SH3KBP1: variants seen among roughly 807,000 people sequenced by gnomAD.
SH3KBP1 encodes the protein SH3 domain containing kinase binding protein 1.
In SH3KBP1, 8 loss-of-function variants were observed where a neutral mutation model predicts 50.1. That is an observed-to-expected ratio of 0.16 (90% CI 0.09 to 0.29). SH3KBP1 has a LOEUF of 0.29. Among genes scored for constraint, SH3KBP1 ranks in the 10% least tolerant of loss-of-function variants. The pLI is 1.00. For missense variants in SH3KBP1, 377 were observed against 535.2 expected (o/e 0.70, Z 2.92); for synonymous variants, 227 against 218.6 (o/e 1.04, Z -0.34).
In SH3KBP1 at chrX:19,727,025, T is replaced by C. The variant is rs1164956730; in HGVS notation, c.286+19293A>G. Among the ~76,000 whole-genome samples, 5 of 112,435 alleles carry C rather than the reference T, an allele frequency of 4.4e-5. No homozygotes were observed. The Admixed American group carries it at 4.7e-4, about 11-fold the overall frequency. ...CACGCTTCTCAAGAAACACACACAA[T>C]GCAACTGAGACAAGGTAACATACAT... On this transcript the variant is annotated intron_variant, in intron 3 of 17. Transcript: ENST00000397821.
intron 11 of SH3KBP1, among the ~76,000 whole-genome samples, chrX:19,589,234 C>T (rs759203878): frequency 9.4e-4 from 106 of 112,448 alleles, no homozygotes; most frequent in Non-Finnish European, 3.6e-4. Context: ...GCCTGTAGGC[C>T]GACAGCCCCT....
intron 1 of SH3KBP1, among the ~76,000 whole-genome samples, chrX:19,854,807 C>T (rs185712345): frequency 1.8e-4 from 20 of 111,011 alleles, no homozygotes; most frequent in Non-Finnish European, 3.6e-4. Context: ...CACAAAGTGC[C>T]CTCCAATCTC....
At chrX:19,846,775 T>G (rs1157181360) in intron 1 of SH3KBP1, among the ~76,000 whole-genome samples, 2 of 111,805 alleles carry the variant, frequency 1.8e-5, no homozygotes, top group African/African-American at 3.2e-5. Flanking sequence ...ACAATTTTAT[T>G]ATGGATAAGG....
intron 6 of SH3KBP1, among the ~76,000 whole-genome samples, chrX:19,657,477 C>A (rs2062314594): frequency 9.1e-6 from 1 of 110,170 alleles, no homozygotes; most frequent in African/African-American, 3.3e-5. Context: ...CGCCTGTAAT[C>A]CCAGCACTTT....
At chrX:19,635,737 G>C (rs2061688103) in intron 7 of SH3KBP1, among the ~76,000 whole-genome samples, 1 of 110,687 alleles carries the variant, frequency 9.0e-6, no homozygotes. Flanking sequence ...TTGCCAATTT[G>C]GGGGACTGTA....
In SH3KBP1 at chrX:19,592,057, G is replaced by A; in HGVS notation, c.1138+10C>T. 1 of 1,183,467 alleles carries A rather than the reference G, an allele frequency of 8.4e-7. No individual in the cohort carries two copies. The highest frequency in any genetic ancestry group is 1.1e-6 in the Non-Finnish European group (1 of 870,333). On this transcript the variant is annotated intron_variant, in intron 11 of 17. Coordinates refer to ENST00000397821, the MANE Select transcript of SH3KBP1 (RefSeq NM_031892.3). The stretch of plus-strand genomic sequence containing the variant: ...GTTCTGGAAGTGCCAATGAAGAATT[G>A]ATTTCATACCTTTTTCTTCTGTTCT...
intron 12 of SH3KBP1, among the ~76,000 whole-genome samples, chrX:19,572,490 TTA>T (rs201036246): frequency 0.023 from 2,443 of 106,770 alleles, 84 homozygotes; most frequent in African/African-American, 0.078. Flanking sequence ...TACATATATG[TTA>T]TATATAGTAC....
chrX:19,684,133 C>A, intron 5 of SH3KBP1, 105 bp from the exon 6 acceptor site: 1 of 604,862 alleles, frequency 1.7e-6, no homozygotes. Context: ...TGTGACTGGG[C>A]ACAGGATAAC....
At chrX:19,826,026 T>C (rs1429706373) in intron 2 of SH3KBP1, among the ~76,000 whole-genome samples, 1 of 112,166 alleles carries the variant, frequency 8.9e-6, no homozygotes, top group Admixed American at 9.5e-5. Context: ...TTGAATAGAA[T>C]GCAGCCATTA....
chrX:19,789,631 T>C lies in SH3KBP1; in HGVS notation c.163-43190A>G, dbSNP rs1424583465. The stretch of plus-strand genomic sequence containing the variant: ...TCTTCTTATGAGGACACCAGTCAGA[T>C]TGGATTAAGGCCTACCCTAATGGCC... On this transcript the variant is annotated intron_variant, in intron 2 of 17. Coordinates refer to ENST00000397821, the MANE Select transcript of SH3KBP1 (RefSeq NM_031892.3). Among the ~76,000 whole-genome samples, 4 of 108,727 alleles carry C rather than the reference T, an allele frequency of 3.7e-5. No homozygotes were observed. In the East Asian group the frequency reaches 1.2e-3, roughly 32 times the overall value. The allele number at this position is 108,727 out of a possible 115,157, so 94.4% of individuals were successfully genotyped here. A position where few individuals can be genotyped will look rare whatever the true frequency, so the allele number is the denominator to read the frequency against.
intron 3 of SH3KBP1, among the ~76,000 whole-genome samples, chrX:19,726,953 G>A (rs1221693893): frequency 1.8e-5 from 2 of 112,059 alleles, no homozygotes; most frequent in Non-Finnish European, 1.9e-5. Context: ...GAAAACAGGA[G>A]AAGGAATGCT....
At chrX:19,850,218 T>G (rs2068468747) in intron 1 of SH3KBP1, among the ~76,000 whole-genome samples, 1 of 111,520 alleles carries the variant, frequency 9.0e-6, no homozygotes, top group Non-Finnish European at 1.9e-5. Flanking sequence ...AGAGTCTTGC[T>G]CTGTCTCCCA....
intron 3 of SH3KBP1, among the ~76,000 whole-genome samples, chrX:19,715,537 A>T (rs1331041085): frequency 9.0e-6 from 1 of 111,598 alleles, no homozygotes; most frequent in African/African-American, 3.3e-5. Flanking sequence ...TCTGAGGTGC[A>T]GCCTGGGCAT....
At chrX:19,872,762 C>T (rs1416465326) in intron 1 of SH3KBP1, among the ~76,000 whole-genome samples, 1 of 106,933 alleles carries the variant, frequency 9.4e-6, no homozygotes, top group East Asian at 3.0e-4. Context: ...GGCGACAGAG[C>T]AAGACTGTCT....
intron 5 of SH3KBP1, among the ~76,000 whole-genome samples, chrX:19,685,322 C>A (rs750322020): frequency 3.7e-4 from 42 of 112,460 alleles, no homozygotes; most frequent in Non-Finnish European, 6.6e-4. Flanking sequence ...TAAATGAAAA[C>A]AGACAAAATA....
intron 1 of SH3KBP1, among the ~76,000 whole-genome samples, chrX:19,850,896 TC>T (rs2068489994): frequency 9.1e-6 from 1 of 109,569 alleles, no homozygotes; most frequent in South Asian, 4.1e-4. Context: ...CATCATAAGA[TC>T]CCCAGGACAC....
chrX:19,553,991 ATATATAT>A (rs1232997626), intron 13 of SH3KBP1, among the ~76,000 whole-genome samples: 6 of 63,777 alleles, frequency 9.4e-5, no homozygotes, highest in Non-Finnish European at 1.5e-4. Context: ...ATAATATATA[ATATATAT>A]TAAAATATAA....
At chrX:19,541,548 T>C (rs986426615) in intron 16 of SH3KBP1, among the ~76,000 whole-genome samples, 1 of 112,313 alleles carries the variant, frequency 8.9e-6, no homozygotes, top group Non-Finnish European at 1.9e-5. Flanking sequence ...ATTTTTCTGT[T>C]GCAAGAGGAA....
At chrX:19,588,301 G>C in intron 12 of SH3KBP1, 1 of 1,049,650 alleles carries the variant, frequency 9.5e-7, no homozygotes. Flanking sequence ...GGGACAAAGA[G>C]GGACACGCCA....
Sources: allele counts gnomAD v4.1 joint callset (sites outside exome capture counted in the v4.1 genomes callset), GRCh38; gene constraint gnomAD v4.1.1; transcripts MANE v1.5; gene names NCBI Gene and HGNC (gene_info 2026-07-23, HGNC 2026-07-21).